The following WNT7B variants were observed in gnomAD, a reference collection of about 807,000 sequenced individuals.
WNT7B encodes Wnt family member 7B, also known as protein Wnt-7b.
A neutral mutation model predicts 38.2 loss-of-function variants in WNT7B; 19 were observed. That is an observed-to-expected ratio of 0.50 (90% confidence interval 0.35 to 0.73). The LOEUF is 0.73. WNT7B is among the 30% of genes least tolerant of loss of function. WNT7B has a pLI of 0.01. For synonymous variants in WNT7B, 243 were observed against 209.3 expected (o/e 1.16, Z -1.39); for missense variants, 423 against 507.9 (o/e 0.83, Z 1.61).
chr22:45,959,890 G>A (rs1042422003), intron 1 of WNT7B, among the ~76,000 whole-genome samples: 6 of 152,196 alleles, frequency 3.9e-5, no homozygotes, highest in South Asian at 2.1e-4. Context: ...GAACCCAGCT[G>A]GAGCCTGCCC....
rs1932535712 is a variant in WNT7B, at chr22:45,975,707, C to A, written c.71+977G>T. The A allele has an allele frequency of 3.7e-6, 2 of 541,866 alleles. No individual in the cohort carries two copies. Among genetic ancestry groups the A allele is most frequent in the African/African-American group, 1.9e-5 (1 of 51,828 alleles). The allele number at this position is 541,866 out of a possible 1,614,324, so 33.6% of individuals were successfully genotyped here. A position where few individuals can be genotyped will look rare whatever the true frequency, so the allele number is the denominator to read the frequency against. ...CGCCTTGCCTGTGGCCTGGACGGGGCTCGCCTCGGGGCAGCCGGCGGCGCA... is the reference window on the plus strand; with the variant it reads ...CGCCTTGCCTGTGGCCTGGACGGGGATCGCCTCGGGGCAGCCGGCGGCGCA... On this transcript the variant is annotated intron_variant, in intron 1 of 3. Coordinates refer to ENST00000339464, the MANE Select transcript of WNT7B (RefSeq NM_058238.3). The surrounding 1 kb of genome is among the most constrained non-coding windows in gnomAD (Gnocchi z 6.6).
At chr22:45,929,816 C>A (rs973115491) in intron 3 of WNT7B, among the ~76,000 whole-genome samples, 6 of 150,582 alleles carry the variant, frequency 4.0e-5, no homozygotes, top group African/African-American at 1.5e-4. Flanking sequence ...ACCCATCCAT[C>A]TATCTTCCCA....
rs75413653 is a variant in WNT7B at position 45,932,704 on chromosome 22, G to A, written c.299-1335C>T. 6.0e-3 allele frequency among the ~76,000 whole-genome samples: 914 copies of A among 152,272 alleles called. 7 individuals are homozygous for A. Among genetic ancestry groups the A allele is most frequent in the African/African-American group, 0.021 (871 of 41,548 alleles). On this transcript the variant is annotated intron_variant, in intron 2 of 3. Coordinates refer to ENST00000339464, the MANE Select transcript of WNT7B (RefSeq NM_058238.3). Reference sequence around the variant, plus strand: ...CCAGCGCCTGGTCCATGTGGACACCGAGCAGGCTCAACCATGCCAGCTGGA... The same window carrying A: ...CCAGCGCCTGGTCCATGTGGACACCAAGCAGGCTCAACCATGCCAGCTGGA...
chr22:45,953,305 C>T (rs564222284), intron 1 of WNT7B, among the ~76,000 whole-genome samples: 56 of 146,506 alleles, frequency 3.8e-4, no homozygotes, highest in African/African-American at 1.5e-3. Context: ...ACAGTCACCA[C>T]GTCCATGCCC....
intron 3 of WNT7B, chr22:45,926,839 T>G: frequency 1.0e-6 from 1 of 985,016 alleles, no homozygotes; most frequent in Non-Finnish European, 1.2e-6. Flanking sequence ...AGAAGGAGAG[T>G]GTGGAGGGTG....
chr22:45,940,818 G>A (rs1019573272), intron 2 of WNT7B, among the ~76,000 whole-genome samples: 13 of 152,216 alleles, frequency 8.5e-5, no homozygotes, highest in African/African-American at 3.1e-4. Flanking sequence ...CCAAAGGATG[G>A]GAGAGGTGAG....
At chr22:45,925,784 C>A (rs895294337) in intron 3 of WNT7B, 1 of 985,296 alleles carries the variant, frequency 1.0e-6, no homozygotes, top group African/African-American at 1.7e-5. Context: ...AGTTCCCAGC[C>A]GGGAGAAGTT....
chr22:45,967,253 C>G (rs535443652), intron 1 of WNT7B, among the ~76,000 whole-genome samples: 1 of 152,148 alleles, frequency 6.6e-6, no homozygotes, highest in African/African-American at 2.4e-5. Context: ...AGCCCTGGGC[C>G]GGGGTTTCAT....
At chr22:45,971,892 C>G (rs1432064980) in intron 1 of WNT7B, among the ~76,000 whole-genome samples, 1 of 152,182 alleles carries the variant, frequency 6.6e-6, no homozygotes, top group Non-Finnish European at 1.5e-5. Context: ...GCCTGCTCTA[C>G]TCCCGCAGTC....
At chr22:45,929,474 T>A (rs913695320) in intron 3 of WNT7B, among the ~76,000 whole-genome samples, 2 of 86,898 alleles carry the variant, frequency 2.3e-5, no homozygotes, top group African/African-American at 1.3e-4. Context: ...CTACTTATCC[T>A]TCCATCTGTA....
intron 1 of WNT7B, among the ~76,000 whole-genome samples, chr22:45,953,768 G>A (rs975164702): frequency 6.6e-6 from 1 of 151,194 alleles, no homozygotes; most frequent in Non-Finnish European, 1.5e-5. Context: ...AAAAGAACAA[G>A]TGTTGCCAAG....
chr22:45,947,449 C>T (rs1931823090), intron 2 of WNT7B, among the ~76,000 whole-genome samples: 1 of 152,234 alleles, frequency 6.6e-6, no homozygotes, highest in Admixed American at 6.5e-5. Context: ...TCTGCTGAGA[C>T]AACTGGCCGG....
chr22:45,969,306 G>A (rs561178313), intron 1 of WNT7B, among the ~76,000 whole-genome samples: 122 of 152,350 alleles, frequency 8.0e-4, no homozygotes, highest in African/African-American at 2.6e-3. Flanking sequence ...GGCTCCTACC[G>A]GAAGACCTGG....
At chr22:45,947,761 G>A (rs1036918419) in intron 2 of WNT7B, among the ~76,000 whole-genome samples, 2 of 152,220 alleles carry the variant, frequency 1.3e-5, no homozygotes, top group Admixed American at 1.3e-4. Flanking sequence ...TGTGAGGTGA[G>A]GATGGTGGGT....
chr22:45,975,633 G>A lies in WNT7B; in HGVS notation c.71+1051C>T, dbSNP rs1191809525. ...TCCACCTCTCCGCCTGGGAAGCCGC[G>A]TCTCCCACCAGTGGTACCTGCACCT... On this transcript the variant is annotated intron_variant, in intron 1 of 3. Coordinates refer to ENST00000339464, the MANE Select transcript of WNT7B (RefSeq NM_058238.3). This position sits in a 1 kb window ranked among gnomAD's most constrained non-coding sequence, Gnocchi z 6.6. The A allele has an allele frequency of 2.8e-6, 2 of 713,432 alleles. No homozygotes were observed. The highest frequency in any genetic ancestry group is 1.5e-5 in the South Asian group (1 of 67,178). 44.2% of individuals were successfully genotyped at this position (713,432 alleles called of 1,614,324 possible).
chr22:45,952,817 A>C (rs1215344602), intron 1 of WNT7B, among the ~76,000 whole-genome samples: 1 of 152,166 alleles, frequency 6.6e-6, no homozygotes, highest in African/African-American at 2.4e-5. Flanking sequence ...GGATCTGACC[A>C]AGTCCGTCTG....
intron 1 of WNT7B, among the ~76,000 whole-genome samples, chr22:45,962,540 G>T (rs1431289941): frequency 6.6e-6 from 1 of 152,162 alleles, no homozygotes; most frequent in South Asian, 2.1e-4. Context: ...GTCCACCAGG[G>T]TCTCTCTCAG....
intron 1 of WNT7B, among the ~76,000 whole-genome samples, chr22:45,958,394 C>T (rs776531659): frequency 2.0e-5 from 3 of 152,154 alleles, no homozygotes; most frequent in South Asian, 2.1e-4. Flanking sequence ...GTCCTCTCCC[C>T]GACACCCCTG....
At chr22:45,930,071 G>A (rs1931287294) in intron 3 of WNT7B, among the ~76,000 whole-genome samples, 1 of 149,092 alleles carries the variant, frequency 6.7e-6, no homozygotes, top group Non-Finnish European at 1.5e-5. Context: ...TTCTGTGCCA[G>A]GCCCTACTTG....
Sources: gnomAD v4.1 joint callset for allele counts (sites outside exome capture counted in the v4.1 genomes callset) on GRCh38, gnomAD v4.1.1 for gene constraint, Gnocchi (gnomAD v3.1) non-coding constraint, MANE v1.5 for transcripts, NCBI Gene and HGNC (gene_info 2026-07-23, HGNC 2026-07-21) for gene names.